TNFRSF11B: variants seen among roughly 807,000 people sequenced by gnomAD.
TNFRSF11B encodes TNF receptor superfamily member 11b.
In TNFRSF11B, 16 loss-of-function variants were observed where a neutral mutation model predicts 43.4. That is an observed-to-expected ratio of 0.37 (90% CI 0.25 to 0.56). The LOEUF is 0.56. Among genes scored for constraint, TNFRSF11B ranks in the 20% least tolerant of loss-of-function variants. The pLI, the probability that TNFRSF11B is intolerant of heterozygous loss-of-function variation, is 0.80. For synonymous variants in TNFRSF11B, 185 were observed against 181.8 expected (o/e 1.02, Z -0.14); for missense variants, 444 against 490.1 (o/e 0.91, Z 0.89).
At chr8:118,950,619 C>A (rs1186488694) in intron 1 of TNFRSF11B, among the ~76,000 whole-genome samples, 1 of 152,156 alleles carries the variant, frequency 6.6e-6, no homozygotes, top group African/African-American at 2.4e-5. Flanking sequence ...GCACAATTCT[C>A]TATGTGTTAT....
intron 1 of TNFRSF11B, among the ~76,000 whole-genome samples, chr8:118,948,235 A>G (rs374435137): frequency 1.3e-5 from 2 of 152,174 alleles, no homozygotes; most frequent in East Asian, 1.9e-4. Flanking sequence ...AATGCAAACA[A>G]ATTTTTGTAA....
chr8:118,935,385 C>A (rs568206586), intron 1 of TNFRSF11B, among the ~76,000 whole-genome samples: 2 of 152,292 alleles, frequency 1.3e-5, no homozygotes, highest in East Asian at 3.9e-4. Context: ...ATGTGGCATA[C>A]ATAAAACGCA....
At chr8:118,930,941 T>C (rs1033789546) in intron 2 of TNFRSF11B, among the ~76,000 whole-genome samples, 13 of 152,236 alleles carry the variant, frequency 8.5e-5, no homozygotes, top group Non-Finnish European at 1.5e-4. Flanking sequence ...CTGATGGTAC[T>C]TTTTATGAAA....
intron 3 of TNFRSF11B, 112 bp downstream of exon 3, chr8:118,928,626 G>T: frequency 8.2e-7 from 1 of 1,220,852 alleles, no homozygotes; most frequent in Non-Finnish European, 1.2e-6. Context: ...TAAGATTCAA[G>T]AAAGGGAAAA....
chr8:118,926,440 G>T, intron 4 of TNFRSF11B, 54 bp downstream of exon 4: 1 of 1,453,874 alleles, frequency 6.9e-7, no homozygotes, highest in South Asian at 1.1e-5. Flanking sequence ...CCTGGTTTAT[G>T]ATAAATAGGT....
chr8:118,951,519 T>C (rs1481803887), intron 1 of TNFRSF11B, among the ~76,000 whole-genome samples: 1 of 92,232 alleles, frequency 1.1e-5, no homozygotes, highest in African/African-American at 8.2e-5. Flanking sequence ...TTCAAACAAG[T>C]TTCTCTCTCT....
Position 118,951,773 on chromosome 8 carries a change from G to T in TNFRSF11B, c.30+19C>A, listed in dbSNP as rs1653187252. On this transcript the variant is annotated intron_variant, in intron 1 of 4. Coordinates refer to ENST00000297350, the MANE Select transcript of TNFRSF11B (RefSeq NM_002546.4). ...CCTCCCCAGGCGCCGGGCACCCGTC[G>T]GCTGGCCCAGGGACTTACCACGAGC... 1.3e-6 allele frequency: 2 copies of T among 1,584,230 alleles called. No homozygotes were observed. The highest frequency in any genetic ancestry group is 1.7e-6 in the Non-Finnish European group (2 of 1,165,254).
Position 118,924,361 on chromosome 8 carries a change from T to G in TNFRSF11B, c.*13A>C. On this transcript the variant is annotated 3_prime_UTR_variant, in exon 5 of 5. Transcript: ENST00000297350. ...CGCCAATTGTGAGGAAACAGCTCAATGGCCATTTCCAGTTATAAGCAGCTT... is the reference window on the plus strand; with the variant it reads ...CGCCAATTGTGAGGAAACAGCTCAAGGGCCATTTCCAGTTATAAGCAGCTT... The G allele has an allele frequency of 6.2e-7, 1 of 1,613,816 alleles. No individual in the cohort carries two copies. The highest frequency in any genetic ancestry group is 2.2e-5 in the East Asian group (1 of 44,888).
chr8:118,943,856 G>T (rs1812523220), intron 1 of TNFRSF11B, among the ~76,000 whole-genome samples: 1 of 152,082 alleles, frequency 6.6e-6, no homozygotes, highest in East Asian at 1.9e-4. Context: ...ACATAATAGG[G>T]TGTTTGATTT....
At chr8:118,941,076 T>C (rs560676005) in intron 1 of TNFRSF11B, among the ~76,000 whole-genome samples, 2 of 152,218 alleles carry the variant, frequency 1.3e-5, no homozygotes, top group Non-Finnish European at 2.9e-5. Context: ...GCACAAAGCC[T>C]GCAGTTTTCT....
chr8:118,951,655 C>T lies in TNFRSF11B; in HGVS notation c.30+137G>A, dbSNP rs1812647708. The T allele has an allele frequency of 9.5e-6, 8 of 846,326 alleles. No individual in the cohort carries two copies. The East Asian group carries it at 2.1e-4, about 23-fold the overall frequency. The allele number at this position is 846,326 out of a possible 1,614,324, so 52.4% of individuals were successfully genotyped here. A position where few individuals can be genotyped will look rare whatever the true frequency, so the allele number is the denominator to read the frequency against. ...GGCATAACTTGAAAGCGGTTTCCTG[C>T]TCCAGCCTAACCCCAAGCCTCTCCT... On this transcript the variant is annotated intron_variant, in intron 1 of 4. Transcript: ENST00000297350.
At chr8:118,951,152 T>C (rs924671869) in intron 1 of TNFRSF11B, among the ~76,000 whole-genome samples, 1 of 152,190 alleles carries the variant, frequency 6.6e-6, no homozygotes, top group Non-Finnish European at 1.5e-5. Flanking sequence ...TAGATATGTT[T>C]TAGAACATAA....
chr8:118,948,684 A>G (rs1812600128), intron 1 of TNFRSF11B, among the ~76,000 whole-genome samples: 1 of 152,150 alleles, frequency 6.6e-6, no homozygotes, highest in Non-Finnish European at 1.5e-5. Context: ...GAACGTTGCT[A>G]CGGACAGGGA....
In TNFRSF11B at chr8:118,933,271, G is replaced by A; in HGVS notation, c.60C>T (p.Thr20=). The A allele has an allele frequency of 6.2e-7, 1 of 1,613,926 alleles. No homozygotes were observed. Among genetic ancestry groups the A allele is most frequent in the South Asian group, 1.1e-5 (1 of 91,080 alleles). ...VFLDISIKWT[T]QETFPPKYLH... is the part of the protein sequence containing the mutation. The stretch of plus-strand genomic sequence containing the variant: ...GGTACTTTGGAGGAAACGTTTCCTG[G>A]GTGGTCCACTTAATGGAGATGTCCA... Residue 20 remains threonine, a synonymous_variant, in exon 2 of 5, where the codon ACC becomes ACT. Coordinates refer to ENST00000297350, the MANE Select transcript of TNFRSF11B (RefSeq NM_002546.4).
chr8:118,928,510 A>G (rs1812278069), intron 3 of TNFRSF11B, among the ~76,000 whole-genome samples: 1 of 152,210 alleles, frequency 6.6e-6, no homozygotes, highest in Non-Finnish European at 1.5e-5. Flanking sequence ...TCAGTGTGAA[A>G]GGAGAGAAAA....
rs540337856 is a variant in TNFRSF11B at position 118,936,073 on chromosome 8, A to AT, written c.31-2774dup. On this transcript the variant is annotated intron_variant, in intron 1 of 4. Transcript: ENST00000297350. ...CAGATATGACCAAGAACACTGATGCATTTTATATTTTTCTAGGTATTTGGA... is the reference window on the plus strand; with the variant it reads ...CAGATATGACCAAGAACACTGATGCATTTTTATATTTTTCTAGGTATTTGGA... Among the ~76,000 whole-genome samples the AT allele has an allele frequency of 1.9e-4, 29 of 152,308 alleles. No individual in the cohort carries two copies. The South Asian group carries it at 5.8e-3, about 30-fold the overall frequency.
Position 118,924,562 on chromosome 8 carries a change from C to T in TNFRSF11B, c.1018G>A (p.Asp340Asn). 17 of 1,614,152 alleles carry T rather than the reference C, an allele frequency of 1.1e-5. No homozygotes were observed. Among genetic ancestry groups the T allele is most frequent in the Non-Finnish European group, 1.2e-5 (14 of 1,180,032 alleles). ...SLWRIKNGDQ[D>N]TLKGLMHALK... ...GCGTGCATTAGGCCCTTCAAGGTGT[C>T]TTGGTCGCCATTTTTTATTCGCCAC... is the stretch of plus-strand genomic sequence containing the variant. The change falls in exon 5 of 5, where the codon GAC (aspartate) becomes AAC (asparagine). Residue 340 changes from aspartate to asparagine, a missense_variant. Transcript: ENST00000297350.
intron 1 of TNFRSF11B, among the ~76,000 whole-genome samples, chr8:118,935,580 T>C (rs1374971317): frequency 2.7e-5 from 4 of 149,390 alleles, no homozygotes; most frequent in Non-Finnish European, 5.9e-5. Context: ...GCTTCTATAA[T>C]TAATTCTCCT....
At chr8:118,938,902 C>T (rs185374289) in intron 1 of TNFRSF11B, among the ~76,000 whole-genome samples, 66 of 152,326 alleles carry the variant, frequency 4.3e-4, no homozygotes, top group African/African-American at 1.5e-3. Flanking sequence ...TATGCAGAAC[C>T]ATGAGTGACA....
Sources: gnomAD v4.1 joint callset for allele counts (sites outside exome capture counted in the v4.1 genomes callset) on GRCh38, gnomAD v4.1.1 for gene constraint, MANE v1.5 for transcripts, NCBI Gene and HGNC (gene_info 2026-07-23, HGNC 2026-07-21) for gene names.